TMEM30A: variants seen among roughly 807,000 people sequenced by gnomAD.
The protein encoded by TMEM30A is cell cycle control protein 50A.
Under a neutral mutation model 38.2 loss-of-function variants are expected in TMEM30A, and 24 were observed. The ratio of observed to expected loss-of-function variants is 0.63; its 90% CI spans 0.46 to 0.88. The LOEUF is 0.88. TMEM30A is among the 40% of genes least tolerant of loss of function. TMEM30A has a pLI of 0.00. For synonymous variants in TMEM30A, 145 were observed against 161.6 expected (o/e 0.90, Z 0.78); for missense variants, 370 against 458.6 (o/e 0.81, Z 1.77).
intron 4 of TMEM30A, among the ~76,000 whole-genome samples, chr6:75,260,385 G>A (rs240383): frequency 0.88 from 134,207 of 151,946 alleles, 59,782 homozygotes; most frequent in Non-Finnish European, 0.95. Context: ...CAGCCTGGGC[G>A]ACAGAATGAC....
chr6:75,277,975 A>G (rs961298553), intron 1 of TMEM30A, among the ~76,000 whole-genome samples: 10 of 152,230 alleles, frequency 6.6e-5, no homozygotes, highest in Admixed American at 1.3e-4. Flanking sequence ...AAACACATTT[A>G]TATGCTGAAC....
chr6:75,265,239 C>G lies in TMEM30A; in HGVS notation c.445G>C (p.Ala149Pro). 1.9e-6 allele frequency: 3 copies of G among 1,592,040 alleles called. No homozygotes were observed. The highest frequency in any genetic ancestry group is 8.6e-7 in the Non-Finnish European group (1 of 1,163,918). ...TTTATCATTTTACTTACAAGCAAAG[C>G]ACTAGAATCTCCATTTAGTTGACTA... The part of the protein sequence containing the change: ...DDSQLNGDSS[A>P]LLNPSKECEP... Residue 149 changes from alanine (A) to proline (P), a missense_variant, in exon 3 of 7, where the codon GCT (alanine) becomes CCT (proline). Transcript: ENST00000230461.
chr6:75,267,507 C>A, intron 2 of TMEM30A, 134 bp downstream of exon 2: 2 of 544,888 alleles, frequency 3.7e-6, no homozygotes, highest in South Asian at 3.7e-5. Context: ...AACGATCTTC[C>A]TCAAAAGCCT....
chr6:75,256,029 C>A lies in TMEM30A; in HGVS notation c.*73G>T. On this transcript the variant is annotated 3_prime_UTR_variant, in exon 7 of 7. Coordinates refer to ENST00000230461, the MANE Select transcript of TMEM30A (RefSeq NM_018247.4). ...TCAAAATGACATACTAACCAGATAT[C>A]AGCATTCGAAAGCTAGGTTGAATAG... is the stretch of plus-strand genomic sequence containing the variant. The A allele has an allele frequency of 1.9e-6, 2 of 1,054,928 alleles. No individual in the cohort carries two copies. The highest frequency in any genetic ancestry group is 5.2e-5 in the Admixed American group (2 of 38,206). 65.3% of individuals were successfully genotyped at this position (1,054,928 alleles called of 1,614,324 possible).
At chr6:75,273,913 A>T (rs1156454494) in intron 1 of TMEM30A, among the ~76,000 whole-genome samples, 1 of 152,234 alleles carries the variant, frequency 6.6e-6, no homozygotes, top group African/African-American at 2.4e-5. Context: ...TCATTCACTC[A>T]TTCAAACCTG....
At chr6:75,269,934 C>A (rs1272518159) in intron 1 of TMEM30A, among the ~76,000 whole-genome samples, 2 of 152,110 alleles carry the variant, frequency 1.3e-5, no homozygotes, top group Non-Finnish European at 2.9e-5. Flanking sequence ...ACCTCATGAT[C>A]CGCCCACCTT....
chr6:75,284,279 G>C, intron 1 of TMEM30A, 123 bp downstream of exon 1: 3 of 861,756 alleles, frequency 3.5e-6, no homozygotes, highest in South Asian at 1.4e-5. Context: ...GAGGGAAGGG[G>C]GTGGTGGACG....
intron 6 of TMEM30A, among the ~76,000 whole-genome samples, chr6:75,258,189 G>A (rs1771900546): frequency 6.6e-6 from 1 of 152,150 alleles, no homozygotes; most frequent in South Asian, 2.1e-4. Context: ...TCTGTAATAG[G>A]GAGATATGCT....
Position 75,254,733 on chromosome 6 carries a change from AAAC to A in TMEM30A, c.*1366_*1368del, listed in dbSNP as rs1201825285. Reference sequence around the variant, plus strand: ...ACAAACATGAGTTATTTCAGTAAAAAAACAACAACAAAAAAGCAATTTCAATGT... The same window carrying A: ...ACAAACATGAGTTATTTCAGTAAAAAAACAACAAAAAAGCAATTTCAATGT... On this transcript the variant is annotated 3_prime_UTR_variant, in exon 7 of 7. Transcript: ENST00000230461. 2.6e-5 allele frequency: 4 copies of A among 152,522 alleles called. No homozygotes were observed. The highest frequency in any genetic ancestry group is 2.0e-4 in the Admixed American group (3 of 15,256). 9.4% of individuals were successfully genotyped at this position (152,522 alleles called of 1,614,324 possible).
At chr6:75,275,703 C>CCAT (rs1192906364) in intron 1 of TMEM30A, among the ~76,000 whole-genome samples, 3 of 152,162 alleles carry the variant, frequency 2.0e-5, no homozygotes, top group African/African-American at 7.2e-5. Flanking sequence ...ACTGTGACCA[C>CCAT]CATCATCTCC....
chr6:75,253,703 TAAAC>T lies in TMEM30A; in HGVS notation c.*2395_*2398del, dbSNP rs1023077913. 3.3e-5 allele frequency: 5 copies of T among 152,534 alleles called. No individual in the cohort carries two copies. Among genetic ancestry groups the T allele is most frequent in the African/African-American group, 1.2e-4 (5 of 41,442 alleles). The allele number at this position is 152,534 out of a possible 1,614,324, so 9.4% of individuals were successfully genotyped here. A position where few individuals can be genotyped will look rare whatever the true frequency, so the allele number is the denominator to read the frequency against. ...CGTTACAAAGAAACTCACTAGCAAA[TAAAC>T]AAACGATATTCACTTGACTCTTCTC... On this transcript the variant is annotated 3_prime_UTR_variant, in exon 7 of 7. Transcript: ENST00000230461.
At chr6:75,261,126 T>C (rs1022249317) in intron 3 of TMEM30A, among the ~76,000 whole-genome samples, 1 of 152,258 alleles carries the variant, frequency 6.6e-6, no homozygotes, top group African/African-American at 2.4e-5. Flanking sequence ...ATATAACCTT[T>C]ACTTGCATAT....
intron 4 of TMEM30A, 97 bp downstream of exon 4, chr6:75,260,727 T>C: frequency 1.5e-6 from 1 of 677,072 alleles, no homozygotes; most frequent in Non-Finnish European, 2.3e-6. Context: ...TGTTTGAGTT[T>C]CTCAATTTCA....
intron 1 of TMEM30A, among the ~76,000 whole-genome samples, chr6:75,282,737 C>A (rs1466035884): frequency 2.0e-5 from 3 of 152,116 alleles, no homozygotes; most frequent in African/African-American, 7.2e-5. Flanking sequence ...GAGACAGATC[C>A]CTAGTGCCAG....
Position 75,263,263 on chromosome 6 carries a change from C to T in TMEM30A, c.453+1968G>A, listed in dbSNP as rs143737393. ...AATGGTGAATGTAGCTGGAGCATGC[C>T]AAGAGGGAGGATGATATGTGATGAG... is the stretch of plus-strand genomic sequence containing the variant. On this transcript the variant is annotated intron_variant, in intron 3 of 6. Coordinates refer to ENST00000230461, the MANE Select transcript of TMEM30A (RefSeq NM_018247.4). Among the ~76,000 whole-genome samples the T allele has an allele frequency of 7.2e-5, 11 of 152,174 alleles. No homozygotes were observed. The East Asian group carries it at 2.1e-3, about 29-fold the overall frequency.
intron 1 of TMEM30A, among the ~76,000 whole-genome samples, chr6:75,278,555 C>G (rs1772300368): frequency 6.6e-6 from 1 of 152,166 alleles, no homozygotes; most frequent in Non-Finnish European, 1.5e-5. Flanking sequence ...GAACTGTAAG[C>G]ATGAGAGCCA....
chr6:75,275,362 C>G (rs1772242799), intron 1 of TMEM30A, among the ~76,000 whole-genome samples: 1 of 152,188 alleles, frequency 6.6e-6, no homozygotes, highest in Non-Finnish European at 1.5e-5. Flanking sequence ...TCTCAACCTT[C>G]CCCTTGAACT....
chr6:75,259,323 T>A (rs1179788062), intron 5 of TMEM30A, 24 bp downstream of exon 5: 2 of 1,582,274 alleles, frequency 1.3e-6, no homozygotes, highest in Non-Finnish European at 1.7e-6. Context: ...TTTAATTTTT[T>A]AAGGGATATT....
At chr6:75,280,711 A>G (rs1012853210) in intron 1 of TMEM30A, among the ~76,000 whole-genome samples, 1 of 152,096 alleles carries the variant, frequency 6.6e-6, no homozygotes, top group African/African-American at 2.4e-5. Context: ...AAACACCACA[A>G]ACCTTAATTT....
Sources: allele counts gnomAD v4.1 joint callset (sites outside exome capture counted in the v4.1 genomes callset), GRCh38; gene constraint gnomAD v4.1.1; transcripts MANE v1.5; gene names NCBI Gene and HGNC (gene_info 2026-07-23, HGNC 2026-07-21).